TASP1: variants seen among roughly 807,000 people sequenced by gnomAD.
The protein encoded by TASP1 is taspase 1, also known as threonine aspartase 1.
In TASP1, 16 loss-of-function variants were observed where a neutral mutation model predicts 56.6. The ratio of observed to expected loss-of-function variants is 0.28; its 90% confidence interval spans 0.19 to 0.43. The LOEUF (loss-of-function observed/expected upper bound fraction) is 0.43. TASP1 is among the 20% of genes least tolerant of loss of function. The pLI, the probability that TASP1 is intolerant of heterozygous loss-of-function variation, is 1.00. For missense variants in TASP1, 393 were observed against 511.6 expected (o/e 0.77, Z 2.24); for synonymous variants, 179 against 184.2 (o/e 0.97, Z 0.23).
At chr20:13,587,734 A>C (rs1180379806) in intron 4 of TASP1, among the ~76,000 whole-genome samples, 1 of 152,018 alleles carries the variant, frequency 6.6e-6, no homozygotes, top group African/African-American at 2.4e-5. Flanking sequence ...TATCAAAAAA[A>C]AAACACAGAA....
chr20:13,294,513 A>G, the TASP1 span, among the ~76,000 whole-genome samples: 1 of 152,214 alleles, frequency 6.6e-6, no homozygotes, highest in Non-Finnish European at 1.5e-5. Flanking sequence ...TGCTTTGCAG[A>G]ACACAGCCCA....
the TASP1 span, among the ~76,000 whole-genome samples, chr20:13,349,800 G>A: frequency 6.6e-6 from 1 of 152,172 alleles, no homozygotes; most frequent in Non-Finnish European, 1.5e-5. Context: ...TCAATCATAT[G>A]TCTATACATT....
At chr20:13,592,682 T>A (rs895347056) in intron 4 of TASP1, among the ~76,000 whole-genome samples, 10 of 152,190 alleles carry the variant, frequency 6.6e-5, no homozygotes, top group Admixed American at 5.2e-4. Context: ...TTTGGTTGAC[T>A]TTCTGTTTTC....
At chr20:13,479,652 G>A (rs898614162) in intron 11 of TASP1, among the ~76,000 whole-genome samples, 5 of 151,994 alleles carry the variant, frequency 3.3e-5, no homozygotes, top group Admixed American at 6.6e-5. Context: ...TGGCCACCAC[G>A]CCCAGCTAAT....
chr20:13,457,869 C>T (rs1421912058), intron 11 of TASP1, among the ~76,000 whole-genome samples: 1 of 152,076 alleles, frequency 6.6e-6, no homozygotes, highest in African/African-American at 2.4e-5. Context: ...GAACTATATC[C>T]CGGAAGGGGC....
At chr20:13,542,009 C>A (rs1443974078) in intron 8 of TASP1, among the ~76,000 whole-genome samples, 2 of 150,548 alleles carry the variant, frequency 1.3e-5, no homozygotes, top group Admixed American at 6.6e-5. Context: ...TGTGCCACTG[C>A]CCTCCAGCCT....
the TASP1 span, among the ~76,000 whole-genome samples, chr20:13,137,890 C>T: frequency 6.6e-6 from 1 of 152,142 alleles, no homozygotes; most frequent in African/African-American, 2.4e-5. Context: ...TGACTCCAAA[C>T]ATAGGTCCCC....
chr20:13,423,290 C>T (rs1172765815), intron 12 of TASP1, among the ~76,000 whole-genome samples: 2 of 151,734 alleles, frequency 1.3e-5, no homozygotes, highest in South Asian at 2.1e-4. Flanking sequence ...CAAACAACAA[C>T]AAAAAAAACC....
the TASP1 span, among the ~76,000 whole-genome samples, chr20:13,285,674 G>T: frequency 1.7e-4 from 26 of 152,326 alleles, no homozygotes; most frequent in African/African-American, 6.0e-4. Context: ...GAATCAGCCC[G>T]AGAGGGGAGT....
the TASP1 span, among the ~76,000 whole-genome samples, chr20:13,214,562 CAGAGAGAGAGAG>C: frequency 3.6e-5 from 4 of 111,302 alleles, no homozygotes; most frequent in Non-Finnish European, 7.9e-5. Flanking sequence ...CACACACACA[CAGAGAGAGAGAG>C]AGAGAGAGAG....
chr20:13,293,302 C>A, the TASP1 span, among the ~76,000 whole-genome samples: 5 of 151,744 alleles, frequency 3.3e-5, no homozygotes, highest in African/African-American at 1.2e-4. Flanking sequence ...TAAATGTAAA[C>A]CAAACAAAAT....
chr20:13,186,775 C>G, the TASP1 span, among the ~76,000 whole-genome samples: 1 of 152,132 alleles, frequency 6.6e-6, no homozygotes, highest in East Asian at 1.9e-4. Context: ...TCTAGCCAGA[C>G]TAATAAAAAT....
chr20:13,246,622 T>C, the TASP1 span, among the ~76,000 whole-genome samples: 2 of 152,234 alleles, frequency 1.3e-5, no homozygotes, highest in African/African-American at 4.8e-5. Flanking sequence ...ATTTTATAGA[T>C]GAGAAACCTG....
the TASP1 span, among the ~76,000 whole-genome samples, chr20:13,310,287 C>T: frequency 1.3e-5 from 2 of 152,158 alleles, no homozygotes; most frequent in Non-Finnish European, 2.9e-5. Context: ...TTGTGGTCAA[C>T]TGATCTTTGA....
intron 13 of TASP1, among the ~76,000 whole-genome samples, chr20:13,399,338 A>G (rs1388535415): frequency 6.6e-6 from 1 of 152,134 alleles, no homozygotes; most frequent in African/African-American, 2.4e-5. Context: ...CCTTTCTCCT[A>G]AACTCCAGAC....
chr20:13,331,781 C>T, the TASP1 span, among the ~76,000 whole-genome samples: 12 of 150,230 alleles, frequency 8.0e-5, no homozygotes, highest in East Asian at 2.2e-3. Flanking sequence ...TTTAACTTTA[C>T]TCCCTTCTTT....
At chr20:13,253,512 G>A in the TASP1 span, among the ~76,000 whole-genome samples, 2 of 152,284 alleles carry the variant, frequency 1.3e-5, no homozygotes, top group East Asian at 1.9e-4. Context: ...GCTCCTTACC[G>A]ACTATCAGCC....
At chr20:13,421,428 A>G (rs1004783853) in intron 12 of TASP1, among the ~76,000 whole-genome samples, 2 of 152,132 alleles carry the variant, frequency 1.3e-5, no homozygotes, top group East Asian at 1.9e-4. Flanking sequence ...CAAGAGATGA[A>G]TGACAAATTT....
In TASP1 at chr20:13,597,448, T is replaced by C. The variant is rs565420683; in HGVS notation, c.283-10078A>G. ...AACAAAAACCACATGATTATCTCAA[T>C]AGATGCAGAAAAGGCCTTCGACAAA... On this transcript the variant is annotated intron_variant, in intron 4 of 13. Coordinates refer to ENST00000337743, the MANE Select transcript of TASP1 (RefSeq NM_017714.3). 3.3e-5 allele frequency among the ~76,000 whole-genome samples: 5 copies of C among 152,314 alleles called. No homozygotes were observed. In the East Asian group the frequency reaches 9.7e-4, roughly 29 times the overall value.
Sources: gnomAD v4.1 joint callset for allele counts (sites outside exome capture counted in the v4.1 genomes callset) on GRCh38, gnomAD v4.1.1 for gene constraint, MANE v1.5 for transcripts, NCBI Gene and HGNC (gene_info 2026-07-23, HGNC 2026-07-21) for gene names.